GALNT18: variants seen among roughly 807,000 people sequenced by gnomAD.
GALNT18 encodes polypeptide N-acetylgalactosaminyltransferase 18.
In GALNT18, 44 loss-of-function variants were observed where a neutral mutation model predicts 69.5. The observed-to-expected ratio is 0.63, with a 90% CI of 0.50 to 0.81. The LOEUF (loss-of-function observed/expected upper bound fraction) is 0.81. Among genes scored for constraint, GALNT18 ranks in the 40% least tolerant of loss-of-function variants. The pLI is 0.00. For missense variants in GALNT18, 715 were observed against 810.0 expected (o/e 0.88, Z 1.42); for synonymous variants, 364 against 318.2 (o/e 1.14, Z -1.53).
intron 6 of GALNT18, among the ~76,000 whole-genome samples, chr11:11,343,982 C>T (rs539964390): frequency 7.9e-5 from 12 of 152,222 alleles, no homozygotes; most frequent in Admixed American, 2.6e-4. Context: ...TCTAGGCCGT[C>T]GTCATCATCT....
At chr11:11,386,109 T>A (rs1854050721) in intron 3 of GALNT18, among the ~76,000 whole-genome samples, 1 of 152,182 alleles carries the variant, frequency 6.6e-6, no homozygotes, top group Non-Finnish European at 1.5e-5. Context: ...TCCGGAAGTA[T>A]GAAACAATGT....
At chr11:11,278,882 T>A (rs1434047014) in intron 10 of GALNT18, among the ~76,000 whole-genome samples, 1 of 152,204 alleles carries the variant, frequency 6.6e-6, no homozygotes, top group East Asian at 1.9e-4. Flanking sequence ...AAATGATAAA[T>A]GCTTGAGGTA....
chr11:11,557,635 G>A (rs989769628), intron 1 of GALNT18, among the ~76,000 whole-genome samples: 9 of 152,162 alleles, frequency 5.9e-5, no homozygotes, highest in African/African-American at 2.2e-4. Context: ...TGTGGCACAC[G>A]CTGAGCACTC....
At position 11,540,755 on chromosome 11, in the gene GALNT18, A is replaced by G. The variant is rs555069282; in HGVS notation, c.235+80604T>C. On this transcript the variant is annotated intron_variant, in intron 1 of 10. Coordinates refer to ENST00000227756, the MANE Select transcript of GALNT18 (RefSeq NM_198516.3). This position sits in a 1 kb window ranked among gnomAD's most constrained non-coding sequence, Gnocchi z 4.6. ...TTCATCCCTGTATGACTCTCTGATC[A>G]CAGCAATACGTTAGACTCAGTGGAA... Among the ~76,000 whole-genome samples the G allele has an allele frequency of 2.6e-5, 4 of 152,260 alleles. No individual in the cohort carries two copies. In the South Asian group the frequency reaches 8.3e-4, roughly 32 times the overall value.
In GALNT18 at chr11:11,307,291, G is replaced by T. The variant is rs143090288; in HGVS notation, c.1513-14098C>A. ...TGTAAAGTATATGGCACACAAGGGA[G>T]GTGTTCAGCAAATTACATTCATTTT... On this transcript the variant is annotated intron_variant, in intron 9 of 10. Transcript: ENST00000227756. 6.2e-4 allele frequency among the ~76,000 whole-genome samples: 94 copies of T among 152,224 alleles called. 2 individuals carry two copies. The East Asian group carries it at 0.016, about 26-fold the overall frequency.
intron 6 of GALNT18, among the ~76,000 whole-genome samples, chr11:11,369,575 G>A (rs759024531): frequency 1.3e-5 from 2 of 152,168 alleles, no homozygotes; most frequent in Non-Finnish European, 2.9e-5. Context: ...ATTCACAAGA[G>A]GTTAGGACAT....
At chr11:11,297,692 C>T (rs1433559322) in intron 9 of GALNT18, among the ~76,000 whole-genome samples, 4 of 152,164 alleles carry the variant, frequency 2.6e-5, no homozygotes, top group Non-Finnish European at 4.4e-5. Context: ...TCCTGTAACT[C>T]TGGTCTGAGG....
chr11:11,274,875 T>C lies in GALNT18; in HGVS notation c.1678-3585A>G, dbSNP rs1484299483. Among the ~76,000 whole-genome samples, 5 of 152,172 alleles carry C rather than the reference T, an allele frequency of 3.3e-5. No homozygotes were observed. The East Asian group carries it at 9.6e-4, about 29-fold the overall frequency. On this transcript the variant is annotated intron_variant, in intron 10 of 10. Transcript: ENST00000227756. ...GGTTTCCAGCTTCATCCATGGGACA[T>C]GAACTCATTTTTTATGGCTGCATAG...
At chr11:11,525,958 C>T (rs1857514081) in intron 1 of GALNT18, among the ~76,000 whole-genome samples, 1 of 152,110 alleles carries the variant, frequency 6.6e-6, no homozygotes, top group East Asian at 1.9e-4. Flanking sequence ...TGAGGTGTCA[C>T]TGCAACATGC....
At chr11:11,276,022 T>C (rs1848938425) in intron 10 of GALNT18, among the ~76,000 whole-genome samples, 2 of 152,264 alleles carry the variant, frequency 1.3e-5, no homozygotes, top group Admixed American at 1.3e-4. Context: ...CAGGCTCTTT[T>C]TTGGTTCCAT....
Position 11,402,877 on chromosome 11 carries a change from T to C in GALNT18, c.596-23613A>G, listed in dbSNP as rs1367078524. On this transcript the variant is annotated intron_variant, in intron 3 of 10. Transcript: ENST00000227756. The surrounding 1 kb of genome is among the most constrained non-coding windows in gnomAD (Gnocchi z 4.0). ...GTCCCCACGGGCCCCGGAGATGGTG[T>C]AATGCTTGTTTCTCTTTGGAGTTAG... 6.6e-6 allele frequency among the ~76,000 whole-genome samples: 1 copy of C among 152,220 alleles called. No homozygotes were observed. Among genetic ancestry groups the C allele is most frequent in the Admixed American group, 6.5e-5 (1 of 15,282 alleles).
chr11:11,527,577 A>G (rs1446591725), intron 1 of GALNT18, among the ~76,000 whole-genome samples: 3 of 151,914 alleles, frequency 2.0e-5, no homozygotes, highest in African/African-American at 7.3e-5. Context: ...AGCCATGAGC[A>G]ATGGCCCATG....
At chr11:11,565,748 C>G in intron 1 of GALNT18, among the ~76,000 whole-genome samples, 1 of 152,214 alleles carries the variant, frequency 6.6e-6, no homozygotes, top group East Asian at 1.9e-4. Flanking sequence ...GATCAATGCA[C>G]TTGTGTGGTC....
rs1856089198 is a variant in GALNT18 at position 11,463,391 on chromosome 11, G to A, written c.236-14455C>T. 6.6e-6 allele frequency among the ~76,000 whole-genome samples: 1 copy of A among 152,206 alleles called. No individual in the cohort carries two copies. The highest frequency in any genetic ancestry group is 1.5e-5 in the Non-Finnish European group (1 of 68,028). ...AACACTTACAAAAACAAACTTGTGA[G>A]AAGAAATATTATTCAGTTAACTAGC... On this transcript the variant is annotated intron_variant, in intron 1 of 10. Transcript: ENST00000227756. This position sits in a 1 kb window ranked among gnomAD's most constrained non-coding sequence, Gnocchi z 4.2.
chr11:11,408,618 G>A (rs1487752113), intron 3 of GALNT18, among the ~76,000 whole-genome samples: 1 of 152,128 alleles, frequency 6.6e-6, no homozygotes, highest in Non-Finnish European at 1.5e-5. Flanking sequence ...AGGAAAAGAG[G>A]CTGCCCCCTC....
intron 1 of GALNT18, among the ~76,000 whole-genome samples, chr11:11,581,077 C>A (rs1204983475): frequency 6.6e-6 from 1 of 152,340 alleles, no homozygotes; most frequent in African/African-American, 2.4e-5. Flanking sequence ...TGTGTTTTGT[C>A]TATTTGCTGG....
At chr11:11,271,670 C>G (rs950420711) in intron 10 of GALNT18, among the ~76,000 whole-genome samples, 1 of 150,548 alleles carries the variant, frequency 6.6e-6, no homozygotes, top group African/African-American at 2.4e-5. Context: ...TGCATTTGAG[C>G]ATCACCAGAG....
chr11:11,618,385 T>C lies in GALNT18; in HGVS notation c.235+2974A>G, dbSNP rs550072438. On this transcript the variant is annotated intron_variant, in intron 1 of 10. Coordinates refer to ENST00000227756, the MANE Select transcript of GALNT18 (RefSeq NM_198516.3). This position sits in a 1 kb window ranked among gnomAD's most constrained non-coding sequence, Gnocchi z 6.1. ...ACTTTCTGCAGAATGTGCCAGGGACTGTCCTGCATGTTCAGTAAACATTAG... is the reference window on the plus strand; with the variant it reads ...ACTTTCTGCAGAATGTGCCAGGGACCGTCCTGCATGTTCAGTAAACATTAG... Among the ~76,000 whole-genome samples the C allele has an allele frequency of 3.3e-5, 5 of 152,360 alleles. No individual in the cohort carries two copies. In the East Asian group the frequency reaches 9.6e-4, roughly 29 times the overall value.
rs141548067 is a variant in GALNT18, at chr11:11,511,267, G to A, written c.236-62331C>T. 3.6e-3 allele frequency among the ~76,000 whole-genome samples: 553 copies of A among 152,284 alleles called. 1 individual carries two copies. Among genetic ancestry groups the A allele is most frequent in the South Asian group, 0.019 (91 of 4,820 alleles). ...GAATCTGCTGAAGACTGAAGGGACCGGCTGTCCAGCTTCACGCAGGGAGGG... is the reference window on the plus strand; with the variant it reads ...GAATCTGCTGAAGACTGAAGGGACCAGCTGTCCAGCTTCACGCAGGGAGGG... On this transcript the variant is annotated intron_variant, in intron 1 of 10. Transcript: ENST00000227756. The surrounding 1 kb of genome is among the most constrained non-coding windows in gnomAD (Gnocchi z 4.9).
Sources: gnomAD v4.1 joint callset for allele counts (sites outside exome capture counted in the v4.1 genomes callset) on GRCh38, gnomAD v4.1.1 for gene constraint, Gnocchi (gnomAD v3.1) non-coding constraint, MANE v1.5 for transcripts, NCBI Gene and HGNC (gene_info 2026-07-23, HGNC 2026-07-21) for gene names.